Variants in SUPT6H observed in about 807,000 individuals in gnomAD.
SUPT6H encodes SPT6 homolog, histone chaperone and transcription elongation factor.
In SUPT6H, 11 loss-of-function variants were observed where a neutral mutation model predicts 222.3. That is an observed-to-expected ratio of 0.05 (90% CI 0.03 to 0.08). SUPT6H has a LOEUF of 0.08. Ranked by LOEUF, SUPT6H falls within the 10% of genes least tolerant of loss-of-function variation. The pLI is 1.00. For missense variants in SUPT6H, 1,422 were observed against 2,216.0 expected (o/e 0.64, Z 7.19); for synonymous variants, 762 against 801.2 (o/e 0.95, Z 0.83).
In SUPT6H at chr17:28,687,477, A is replaced by G; in HGVS notation, c.3006+6A>G. 1 of 1,611,050 alleles carries G rather than the reference A, an allele frequency of 6.2e-7. No individual in the cohort carries two copies. Among genetic ancestry groups the G allele is most frequent in the Non-Finnish European group, 8.5e-7 (1 of 1,178,572 alleles). Reference sequence around the variant, plus strand: ...AAGGGACCCACCTCCTGAAGGTAGGATTGGAGTGAATTCAGAAATTTTAAA... The same window carrying G: ...AAGGGACCCACCTCCTGAAGGTAGGGTTGGAGTGAATTCAGAAATTTTAAA... On this transcript the variant is annotated splice_donor_region_variant and intron_variant, in intron 23 of 36. Coordinates refer to ENST00000314616, the MANE Select transcript of SUPT6H (RefSeq NM_003170.5).
At chr17:28,683,581 T>C in intron 16 of SUPT6H, 40 bp from the exon 17 acceptor site, 1 of 1,602,546 alleles carries the variant, frequency 6.2e-7, no homozygotes, top group Non-Finnish European at 8.5e-7. Flanking sequence ...GTGTCACCTT[T>C]TCTCCATTCC....
rs763276853 is a variant in SUPT6H at position 28,677,730 on chromosome 17, G to A, written c.913G>A (p.Val305Ile). The A allele has an allele frequency of 5.0e-6, 8 of 1,614,172 alleles. No homozygotes were observed. The South Asian group carries it at 7.7e-5, about 16-fold the overall frequency. Residue 305 changes from valine (V) to isoleucine (I), a missense_variant, in exon 8 of 37, where the codon GTC becomes ATC. Coordinates refer to ENST00000314616, the MANE Select transcript of SUPT6H (RefSeq NM_003170.5). ...PERFQLRSIP[V>I]KGAEDDELEE... ...TCCACTCCAGCTCCGCTCCATCCCAGTCAAGGGGGCTGAAGATGATGAACT... is the reference window on the plus strand; with the variant it reads ...TCCACTCCAGCTCCGCTCCATCCCAATCAAGGGGGCTGAAGATGATGAACT...
At chr17:28,679,359 C>G (rs916842799) in intron 11 of SUPT6H, among the ~76,000 whole-genome samples, 1 of 151,432 alleles carries the variant, frequency 6.6e-6, no homozygotes, top group African/African-American at 2.4e-5. Context: ...GGCAACAGAG[C>G]GAGACTTCGT....
Position 28,700,355 on chromosome 17 carries a change from G to A in SUPT6H, c.4649G>A (p.Arg1550Gln), listed in dbSNP as rs771526515. ...CTCTGTGTGCTTACAGATCTGACAC[G>A]GGCTGTGAATGCCCTGCCTCAGAAC... ...PANINLADLT[R>Q]AVNALPQNMT... The change falls in exon 35 of 37, where the codon CGG (arginine) becomes CAG (glutamine). Residue 1550 changes from arginine (R) to glutamine (Q), a missense_variant. By Grantham distance (43) the Arg-to-Gln change is conservative (BLOSUM62 1). Coordinates refer to ENST00000314616, the MANE Select transcript of SUPT6H (RefSeq NM_003170.5). 3 of 1,614,168 alleles carry A rather than the reference G, an allele frequency of 1.9e-6. No individual in the cohort carries two copies. Among genetic ancestry groups the A allele is most frequent in the South Asian group, 1.1e-5 (1 of 91,078 alleles).
At chr17:28,677,892 A>G (rs2151623919) in intron 8 of SUPT6H, 76 bp downstream of exon 8, 1 of 1,389,582 alleles carries the variant, frequency 7.2e-7, no homozygotes, top group Non-Finnish European at 1.0e-6. Flanking sequence ...TTCCTCCCCT[A>G]TTTCATACAT....
At chr17:28,686,857 G>T in intron 21 of SUPT6H, 68 bp downstream of exon 21, 1 of 1,526,878 alleles carries the variant, frequency 6.5e-7, no homozygotes. Flanking sequence ...AGATTAAATT[G>T]GGAAACAAAA....
intron 6 of SUPT6H, 101 bp downstream of exon 6, chr17:28,675,586 T>C (rs1597693557): frequency 8.0e-7 from 1 of 1,251,936 alleles, no homozygotes; most frequent in African/African-American, 1.5e-5. Context: ...CATTCCCAGC[T>C]TGCAGCCATT....
At chr17:28,667,455 A>G (rs1023320825) in intron 1 of SUPT6H, among the ~76,000 whole-genome samples, 5 of 134,488 alleles carry the variant, frequency 3.7e-5, no homozygotes, top group South Asian at 4.9e-4. Flanking sequence ...GTGTGTATAC[A>G]TATGTATGTA....
intron 1 of SUPT6H, among the ~76,000 whole-genome samples, chr17:28,663,262 A>C (rs201708622): frequency 1.3e-5 from 2 of 152,228 alleles, no homozygotes; most frequent in East Asian, 3.8e-4. Context: ...CAGAAACATA[A>C]CTGCTCTTCC....
chr17:28,673,757 G>T, intron 2 of SUPT6H: 1 of 488,260 alleles, frequency 2.0e-6, no homozygotes, highest in Non-Finnish European at 3.7e-6. Flanking sequence ...GTTGGGGGGT[G>T]GTTGATAATA....
At chr17:28,692,439 C>G (rs1291940889) in intron 27 of SUPT6H, among the ~76,000 whole-genome samples, 1 of 147,110 alleles carries the variant, frequency 6.8e-6, no homozygotes, top group African/African-American at 2.5e-5. Flanking sequence ...TCCAGACCAG[C>G]CTGACCAACA....
rs751091280 is a variant in SUPT6H at position 28,681,324 on chromosome 17, G to A, written c.1418G>A (p.Arg473Gln). 2.4e-5 allele frequency: 39 copies of A among 1,613,944 alleles called. No individual in the cohort carries two copies. The highest frequency in any genetic ancestry group is 3.2e-5 in the Non-Finnish European group (38 of 1,179,980). ...VYNHFLLYYG[R>Q]DIPKMQNAAK... ...AACCATTTTCTTCTTTATTATGGCC[G>A]AGACATCCCTAAGATGCAGAACGCC... is the stretch of plus-strand genomic sequence containing the variant. The change falls in exon 12 of 37, where the codon CGA (arginine) becomes CAA (glutamine). Residue 473 changes from arginine to glutamine, a missense_variant. This residue lies in a region of SUPT6H where 389 missense variants were observed against 544.6 expected (regional missense o/e 0.71). Transcript: ENST00000314616.
At chr17:28,677,083 A>T (rs887624601) in intron 7 of SUPT6H, among the ~76,000 whole-genome samples, 1 of 151,906 alleles carries the variant, frequency 6.6e-6, no homozygotes, top group African/African-American at 2.4e-5. Context: ...GTAAAAAATT[A>T]GCTGGGCGGC....
chr17:28,692,457 A>AC (rs2031709988), intron 27 of SUPT6H, among the ~76,000 whole-genome samples: 1 of 146,754 alleles, frequency 6.8e-6, no homozygotes, highest in South Asian at 2.3e-4. Context: ...ACATGATGAA[A>AC]CCCCATCTCT....
Position 28,683,774 on chromosome 17 carries a change from C to T in SUPT6H, c.2187C>T (p.Leu729=), listed in dbSNP as rs1057004354. Residue 729 remains leucine (L), a synonymous_variant, in exon 17 of 37, where the codon CTC becomes CTT. Transcript: ENST00000314616. The part of the protein sequence containing the change: ...QFLYVQMAKE[L]KNKLLAEAKE... ...TCTATGTGCAGATGGCCAAAGAACT[C>T]AAGAACAAGCTGCTGGCTGAAGCCA... The T allele has an allele frequency of 1.2e-6, 2 of 1,613,640 alleles. No individual in the cohort carries two copies. Among genetic ancestry groups the T allele is most frequent in the Non-Finnish European group, 1.7e-6 (2 of 1,179,930 alleles).
At chr17:28,684,183 T>C (rs1406465097) in intron 17 of SUPT6H, among the ~76,000 whole-genome samples, 2 of 152,012 alleles carry the variant, frequency 1.3e-5, no homozygotes, top group East Asian at 1.9e-4. Flanking sequence ...TTTTTAGTCA[T>C]ATGATTTCCC....
chr17:28,663,800 C>G (rs1396498150), intron 1 of SUPT6H, among the ~76,000 whole-genome samples: 1 of 125,508 alleles, frequency 8.0e-6, no homozygotes, highest in Non-Finnish European at 1.7e-5. Flanking sequence ...TCATTTTATA[C>G]CAATCTGGCT....
chr17:28,662,604 C>A (rs1213260856), intron 1 of SUPT6H, among the ~76,000 whole-genome samples: 1 of 152,152 alleles, frequency 6.6e-6, no homozygotes, highest in Non-Finnish European at 1.5e-5. Flanking sequence ...GCATCCCGTC[C>A]TTCTCTCCGC....
chr17:28,667,485 GTATATATGTATATGTGTA>G (rs1378047343), intron 1 of SUPT6H, among the ~76,000 whole-genome samples: 1 of 136,246 alleles, frequency 7.3e-6, no homozygotes, highest in Non-Finnish European at 1.5e-5. Context: ...ATATGTGTGT[GTATATATGTATATGTGTA>G]TATATATATA....
Sources: gnomAD v4.1 joint callset for allele counts (sites outside exome capture counted in the v4.1 genomes callset) on GRCh38, gnomAD v4.1.1 for gene constraint, gnomAD v4.1.1 regional missense constraint, MANE v1.5 for transcripts, NCBI Gene and HGNC (gene_info 2026-07-23, HGNC 2026-07-21) for gene names.